The following PARD3B variants were observed in gnomAD, a reference collection of about 807,000 sequenced individuals.
The protein encoded by PARD3B is partitioning defective 3 homolog B.
PARD3B carries 103 observed loss-of-function variants against 130.2 expected under a neutral mutation model. The observed-to-expected ratio is 0.79, with a 90% CI of 0.67 to 0.93. The LOEUF is 0.93. PARD3B is among the 40% of genes least tolerant of loss of function. The probability of loss-of-function intolerance (pLI) is 0.00; values close to 1 mark genes in which losing one functional copy is unlikely to be tolerated. For missense variants in PARD3B, 1,609 were observed against 1,499.2 expected (o/e 1.07, Z -1.21); for synonymous variants, 583 against 553.2 (o/e 1.05, Z -0.76).
intron 2 of PARD3B, among the ~76,000 whole-genome samples, chr2:204,883,612 T>C (rs1006383291): frequency 6.6e-6 from 1 of 150,890 alleles, no homozygotes; most frequent in South Asian, 2.1e-4. Context: ...CACGCCCAGC[T>C]AATTTTTATT....
intron 20 of PARD3B, among the ~76,000 whole-genome samples, chr2:205,468,322 G>T (rs1320037644): frequency 6.6e-6 from 1 of 152,180 alleles, no homozygotes; most frequent in East Asian, 1.9e-4. Context: ...TTTCACTATT[G>T]TAGCCAGGAA....
intron 18 of PARD3B, among the ~76,000 whole-genome samples, chr2:205,395,820 A>G (rs6711300): frequency 0.092 from 14,045 of 152,136 alleles, 1,070 homozygotes; most frequent in African/African-American, 0.21. Context: ...TATTCATCAC[A>G]TTGTATCACT....
intron 2 of PARD3B, among the ~76,000 whole-genome samples, chr2:204,870,722 A>T (rs2045599110): frequency 6.6e-6 from 1 of 152,216 alleles, no homozygotes; most frequent in Non-Finnish European, 1.5e-5. Flanking sequence ...GTTGAATAAA[A>T]ATAATACACA....
chr2:205,206,049 G>C (rs2037276863), intron 15 of PARD3B, among the ~76,000 whole-genome samples: 2 of 152,082 alleles, frequency 1.3e-5, no homozygotes, highest in Admixed American at 1.3e-4. Flanking sequence ...ACCTCTGGTA[G>C]AGTTCGGCTG....
intron 20 of PARD3B, among the ~76,000 whole-genome samples, chr2:205,441,629 G>T (rs956072954): frequency 6.6e-6 from 1 of 152,314 alleles, no homozygotes; most frequent in South Asian, 2.1e-4. Flanking sequence ...ACCAGCCTTT[G>T]TGTGATGGCA....
intron 2 of PARD3B, among the ~76,000 whole-genome samples, chr2:204,876,016 T>C (rs1428403594): frequency 6.6e-6 from 1 of 152,162 alleles, no homozygotes; most frequent in Non-Finnish European, 1.5e-5. Flanking sequence ...AAAGCCTTTT[T>C]AGGACCTGGA....
chr2:204,693,951 T>G (rs2037470988), intron 2 of PARD3B, among the ~76,000 whole-genome samples: 1 of 152,072 alleles, frequency 6.6e-6, no homozygotes, highest in African/African-American at 2.4e-5. Context: ...GCCTGGCATT[T>G]CCTAGCTGTT....
rs1465755834 is a variant in PARD3B at position 205,584,076 on chromosome 2, CA to C, written c.3260+30676del. Among the ~76,000 whole-genome samples, 1 of 152,112 alleles carries C rather than the reference CA, an allele frequency of 6.6e-6. No homozygotes were observed. Among genetic ancestry groups the C allele is most frequent in the Non-Finnish European group, 1.5e-5 (1 of 68,018 alleles). ...TTTCGAAGTATTTAGGAAAATGCTT[CA>C]AAGTCAAAAATTACAAGCAGTTAAT... On this transcript the variant is annotated intron_variant, in intron 22 of 22. Coordinates refer to ENST00000406610, the MANE Select transcript of PARD3B (RefSeq NM_001302769.2). This position sits in a 1 kb window ranked among gnomAD's most constrained non-coding sequence, Gnocchi z 5.5.
At chr2:204,707,858 G>C (rs761392987) in intron 2 of PARD3B, among the ~76,000 whole-genome samples, 4 of 152,116 alleles carry the variant, frequency 2.6e-5, no homozygotes, top group Non-Finnish European at 2.9e-5. Flanking sequence ...CATGTTTTAA[G>C]CTTTTAATTT....
intron 2 of PARD3B, among the ~76,000 whole-genome samples, chr2:204,821,693 T>C (rs190642828): frequency 6.6e-6 from 1 of 151,070 alleles, no homozygotes; most frequent in Admixed American, 6.6e-5. Flanking sequence ...TAAAGTATAA[T>C]AATAATAAAA....
intron 10 of PARD3B, among the ~76,000 whole-genome samples, chr2:205,153,736 A>G (rs2033919609): frequency 6.6e-6 from 1 of 152,212 alleles, no homozygotes; most frequent in Non-Finnish European, 1.5e-5. Context: ...CTCAGAAATA[A>G]TACCATACAT....
At chr2:204,838,528 A>T (rs2044143021) in intron 2 of PARD3B, among the ~76,000 whole-genome samples, 1 of 152,078 alleles carries the variant, frequency 6.6e-6, no homozygotes. Flanking sequence ...TCAGGTTTTG[A>T]GTCAAATAAA....
chr2:205,520,920 TTATCA>T (rs945206728), intron 21 of PARD3B, among the ~76,000 whole-genome samples: 3 of 151,894 alleles, frequency 2.0e-5, no homozygotes, highest in Non-Finnish European at 4.4e-5. Context: ...TCATTGTTTC[TTATCA>T]TAAGTAATGA....
intron 1 of PARD3B, among the ~76,000 whole-genome samples, chr2:204,604,332 A>G (rs1159551834): frequency 6.6e-6 from 1 of 152,152 alleles, no homozygotes; most frequent in African/African-American, 2.4e-5. Flanking sequence ...ATCAGAAAAA[A>G]GGTTTTATTA....
intron 4 of PARD3B, among the ~76,000 whole-genome samples, chr2:205,073,578 G>A (rs904307191): frequency 2.0e-5 from 3 of 152,142 alleles, no homozygotes; most frequent in African/African-American, 7.2e-5. Context: ...GCAGAAACTG[G>A]TAGAAATTAG....
At chr2:204,679,720 G>C (rs747804180) in intron 1 of PARD3B, among the ~76,000 whole-genome samples, 1 of 150,860 alleles carries the variant, frequency 6.6e-6, no homozygotes, top group Non-Finnish European at 1.5e-5. Context: ...TTATTGGTTT[G>C]CCTTATTTAC....
Position 205,380,448 on chromosome 2 carries a change from CAT to C in PARD3B, c.2631-20557_2631-20556del, listed in dbSNP as rs1491439969. On this transcript the variant is annotated intron_variant, in intron 18 of 22. Transcript: ENST00000406610. ...TATATTATATATTATATAAAGAATA[CAT>C]ATATATAATATATAAAGAATATATA... Among the ~76,000 whole-genome samples the C allele has an allele frequency of 2.2e-4, 5 of 22,468 alleles. 1 individual carries two copies. The highest frequency in any genetic ancestry group is 9.4e-4 in the African/African-American group (5 of 5,294). The allele number at this position is 22,468 out of a possible 152,430, so 14.7% of individuals were successfully genotyped here. A position where few individuals can be genotyped will look rare whatever the true frequency, so the allele number is the denominator to read the frequency against.
intron 10 of PARD3B, among the ~76,000 whole-genome samples, chr2:205,131,146 C>A (rs1051152932): frequency 1.3e-5 from 2 of 151,990 alleles, no homozygotes; most frequent in Non-Finnish European, 2.9e-5. Context: ...TCAAATGATT[C>A]CATGCTTAAT....
At chr2:204,836,577 C>G (rs1193453523) in intron 2 of PARD3B, among the ~76,000 whole-genome samples, 1 of 152,106 alleles carries the variant, frequency 6.6e-6, no homozygotes, top group African/African-American at 2.4e-5. Context: ...GCAGCAGAAT[C>G]GCTTGAACCC....
Sources: gnomAD v4.1 joint callset for allele counts (sites outside exome capture counted in the v4.1 genomes callset) on GRCh38, gnomAD v4.1.1 for gene constraint, Gnocchi (gnomAD v3.1) non-coding constraint, MANE v1.5 for transcripts, NCBI Gene and HGNC (gene_info 2026-07-23, HGNC 2026-07-21) for gene names.